Variants in RARB observed in about 807,000 individuals in gnomAD.
The protein encoded by RARB is HBV-activated protein.
Under a neutral mutation model 51.9 loss-of-function variants are expected in RARB, and 17 were observed. That is an observed-to-expected ratio of 0.33 (90% CI 0.22 to 0.49). RARB has a LOEUF of 0.49. Ranked by LOEUF, RARB falls within the 20% of genes least tolerant of loss-of-function variation. The pLI is 0.99. For missense variants in RARB, 369 were observed against 550.8 expected, an observed-to-expected ratio of 0.67 and a Z score of 3.30; for synonymous variants, 215 against 195.4, an observed-to-expected ratio of 1.10 and a Z score of -0.84.
intron 2 of RARB, among the ~76,000 whole-genome samples, chr3:24,951,602 C>T (rs1258716197): frequency 6.6e-6 from 1 of 152,126 alleles, no homozygotes; most frequent in African/African-American, 2.4e-5. Flanking sequence ...TACTAGGCAT[C>T]CATTGTGAGG....
At position 25,447,377 on chromosome 3, in the gene RARB, A is replaced by G. The variant is rs151049084; in HGVS notation, c.158-13816A>G. On this transcript the variant is annotated intron_variant, in intron 1 of 7. Coordinates refer to ENST00000330688, the MANE Select transcript of RARB (RefSeq NM_000965.5). ...CTGACCCCCATCAGATCCTTTTTCT[A>G]GCTGGGGCCATGTTTGCCTTGTGGC... is the stretch of plus-strand genomic sequence containing the variant. 2.5e-3 allele frequency among the ~76,000 whole-genome samples: 388 copies of G among 152,252 alleles called. 1 individual carries two copies. Among genetic ancestry groups the G allele is most frequent in the Middle Eastern group, 3.4e-3 (1 of 294 alleles).
chr3:25,365,807 C>T (rs1228913542), intron 5 of RARB, among the ~76,000 whole-genome samples: 2 of 152,130 alleles, frequency 1.3e-5, no homozygotes, highest in East Asian at 1.9e-4. Flanking sequence ...GTTATGGGGG[C>T]AGCTCCAGTA....
At chr3:24,943,344 T>C (rs1246509454) in intron 2 of RARB, among the ~76,000 whole-genome samples, 1 of 152,214 alleles carries the variant, frequency 6.6e-6, no homozygotes, top group Non-Finnish European at 1.5e-5. Flanking sequence ...AAATTTCCAT[T>C]GCTACGCTCT....
chr3:25,594,835 C>A lies in RARB; in HGVS notation c.1150+157C>A, dbSNP rs1295118557. Among the ~76,000 whole-genome samples the A allele has an allele frequency of 6.5e-5, 9 of 139,180 alleles. No individual in the cohort carries two copies. The South Asian group carries it at 6.7e-4, about 10-fold the overall frequency. 91.3% of individuals were successfully genotyped at this position (139,180 alleles called of 152,430 possible). On this transcript the variant is annotated intron_variant, in intron 7 of 7. Transcript: ENST00000330688. ...CAAAAGGAAATACTATCCCTCCCCC[C>A]TCTAAAAAAAAAAAAAAAACACCTC...
chr3:25,588,401 T>C (rs1002206020), intron 5 of RARB, among the ~76,000 whole-genome samples: 4 of 152,222 alleles, frequency 2.6e-5, no homozygotes, highest in African/African-American at 9.6e-5. Flanking sequence ...GCTGGAAATA[T>C]TCATATCTTG....
chr3:25,446,059 A>G (rs1053112241), intron 1 of RARB, among the ~76,000 whole-genome samples: 2 of 152,262 alleles, frequency 1.3e-5, no homozygotes, highest in African/African-American at 4.8e-5. Flanking sequence ...AAGGAATTTT[A>G]AAATGTATTT....
At chr3:24,919,604 C>G (rs1240756190) in intron 2 of RARB, among the ~76,000 whole-genome samples, 1 of 152,174 alleles carries the variant, frequency 6.6e-6, no homozygotes, top group African/African-American at 2.4e-5. Flanking sequence ...TACTCTGGGT[C>G]TGGAGGCTGC....
chr3:24,900,140 C>T (rs963043113), intron 2 of RARB, among the ~76,000 whole-genome samples: 14 of 152,154 alleles, frequency 9.2e-5, no homozygotes, highest in African/African-American at 3.4e-4. Context: ...GAATGTTTTT[C>T]TTATTAAGGA....
At chr3:24,991,755 G>A (rs1252633455) in intron 2 of RARB, among the ~76,000 whole-genome samples, 1 of 150,722 alleles carries the variant, frequency 6.6e-6, no homozygotes, top group Non-Finnish European at 1.5e-5. Flanking sequence ...GAGCCATATG[G>A]AGGGTGTTTT....
intron 3 of RARB, among the ~76,000 whole-genome samples, chr3:25,130,910 T>TATC (rs1441902048): frequency 6.2e-5 from 2 of 32,112 alleles, no homozygotes; most frequent in African/African-American, 2.7e-4. Context: ...ATATTATTGA[T>TATC]AATATTATCA....
chr3:24,999,470 A>C (rs908483138), intron 2 of RARB, among the ~76,000 whole-genome samples: 3 of 152,186 alleles, frequency 2.0e-5, no homozygotes, highest in Non-Finnish European at 2.9e-5. Flanking sequence ...ATATTGTGCT[A>C]TGAGGCAGAT....
intron 3 of RARB, among the ~76,000 whole-genome samples, chr3:25,106,285 T>G (rs1445942081): frequency 1.6e-4 from 5 of 32,042 alleles, no homozygotes; most frequent in Non-Finnish European, 2.4e-4. Context: ...TAAAATTCTT[T>G]TATTTTTTTT....
intron 2 of RARB, among the ~76,000 whole-genome samples, chr3:24,996,736 T>C (rs1697048466): frequency 6.6e-6 from 1 of 152,046 alleles, no homozygotes; most frequent in Non-Finnish European, 1.5e-5. Flanking sequence ...GCATATTGTT[T>C]AATTTCCAGG....
intron 1 of RARB, among the ~76,000 whole-genome samples, chr3:24,841,487 T>C (rs1050880655): frequency 1.3e-5 from 2 of 152,198 alleles, no homozygotes; most frequent in Non-Finnish European, 2.9e-5. Flanking sequence ...TGAAATCCCA[T>C]ATATAGAAAA....
intron 5 of RARB, among the ~76,000 whole-genome samples, chr3:25,402,228 C>A (rs529101046): frequency 6.6e-6 from 1 of 152,268 alleles, no homozygotes; most frequent in East Asian, 1.9e-4. Context: ...CTGGATAAAA[C>A]CCAATTACTC....
At chr3:25,307,059 T>C (rs1245166795) in intron 5 of RARB, among the ~76,000 whole-genome samples, 1 of 152,188 alleles carries the variant, frequency 6.6e-6, no homozygotes, top group Non-Finnish European at 1.5e-5. Context: ...ACACTCATGA[T>C]ACCTATTAGG....
intron 2 of RARB, among the ~76,000 whole-genome samples, chr3:24,866,885 C>T (rs34606772): frequency 0.3 from 46,219 of 151,856 alleles, 8,977 homozygotes; most frequent in Admixed American, 0.41. Flanking sequence ...GATAGTTTGG[C>T]GGGAGAAAGG....
intron 5 of RARB, among the ~76,000 whole-genome samples, chr3:25,356,705 C>G (rs1323517164): frequency 2.6e-5 from 4 of 152,084 alleles, no homozygotes; most frequent in Non-Finnish European, 5.9e-5. Context: ...TGATGTTTCC[C>G]TCCCTGGGCC....
At chr3:25,506,475 G>T (rs1292435403) in intron 3 of RARB, among the ~76,000 whole-genome samples, 2 of 151,908 alleles carry the variant, frequency 1.3e-5, no homozygotes, top group African/African-American at 4.8e-5. Context: ...GAGAGTGATG[G>T]TGTGGACCTG....
Sources: allele counts gnomAD v4.1 joint callset (sites outside exome capture counted in the v4.1 genomes callset), GRCh38; gene constraint gnomAD v4.1.1; transcripts MANE v1.5; gene names NCBI Gene and HGNC (gene_info 2026-07-23, HGNC 2026-07-21).